Variants in POU2F1 observed in about 807,000 individuals in gnomAD.
POU2F1 encodes POU class 2 homeobox 1, also known as POU domain, class 2, transcription factor 1.
Under a neutral mutation model 84.9 loss-of-function variants are expected in POU2F1, and 16 were observed. The observed-to-expected ratio is 0.19, with a 90% CI of 0.13 to 0.29. The LOEUF is 0.29. Among genes scored for constraint, POU2F1 ranks in the 10% least tolerant of loss-of-function variants. POU2F1 has a pLI of 1.00. For synonymous variants in POU2F1, 368 were observed against 368.3 expected, an observed-to-expected ratio of 1.00 and a Z score of 0.01; for missense variants, 738 against 942.6, an observed-to-expected ratio of 0.78 and a Z score of 2.84.
intron 13 of POU2F1, among the ~76,000 whole-genome samples, chr1:167,404,748 A>G (rs1370883820): frequency 6.6e-6 from 1 of 152,152 alleles, no homozygotes; most frequent in Non-Finnish European, 1.5e-5. Flanking sequence ...GTGAGGCTCC[A>G]TCAGAGTGAA....
At chr1:167,398,860 G>C (rs973854203) in intron 11 of POU2F1, among the ~76,000 whole-genome samples, 5 of 152,160 alleles carry the variant, frequency 3.3e-5, no homozygotes, top group African/African-American at 1.2e-4. Flanking sequence ...ATCCAAATTA[G>C]ATAGCATGAA....
rs139922402 is a variant in POU2F1, at chr1:167,314,643, G to A, written c.62-17827G>A. ...ATAAAAATAAGCCGGGCATTGTGGTGTGCACCTGTGGTCCCAGCTCCCTAG... is the reference window on the plus strand; with the variant it reads ...ATAAAAATAAGCCGGGCATTGTGGTATGCACCTGTGGTCCCAGCTCCCTAG... On this transcript the variant is annotated intron_variant, in intron 1 of 15. Transcript: ENST00000367866. Among the ~76,000 whole-genome samples, 964 of 152,056 alleles carry A rather than the reference G, an allele frequency of 6.3e-3. 13 individuals carry two copies. The highest frequency in any genetic ancestry group is 0.021 in the African/African-American group (880 of 41,472).
chr1:167,364,623 G>GC (rs1659562989), intron 2 of POU2F1, among the ~76,000 whole-genome samples: 1 of 146,942 alleles, frequency 6.8e-6, no homozygotes, highest in Non-Finnish European at 1.5e-5. Flanking sequence ...TATTACCCAG[G>GC]CTGGAGTGCA....
intron 2 of POU2F1, among the ~76,000 whole-genome samples, chr1:167,365,262 T>G (rs1659613155): frequency 6.6e-6 from 1 of 152,226 alleles, no homozygotes; most frequent in Non-Finnish European, 1.5e-5. Context: ...TTAAGCTTTA[T>G]CAGTGTTTGT....
chr1:167,226,264 C>T (rs1648625418), intron 1 of POU2F1, among the ~76,000 whole-genome samples: 4 of 151,958 alleles, frequency 2.6e-5, no homozygotes, highest in Admixed American at 2.6e-4. Flanking sequence ...TTTCCTTTTC[C>T]TTTTTTTGGG....
chr1:167,329,360 G>A, intron 1 of POU2F1: 1 of 1,529,514 alleles, frequency 6.5e-7, no homozygotes, highest in South Asian at 1.2e-5. Context: ...AATAGAGTGT[G>A]TCGGGTTGAC....
chr1:167,357,733 T>C (rs1015643898), intron 2 of POU2F1, among the ~76,000 whole-genome samples: 6 of 151,940 alleles, frequency 3.9e-5, no homozygotes, highest in Admixed American at 3.9e-4. Flanking sequence ...AAGAGTTTTA[T>C]GCATCTTTTG....
intron 6 of POU2F1, 48 bp downstream of exon 6, chr1:167,374,344 G>T: frequency 6.7e-7 from 1 of 1,500,674 alleles, no homozygotes; most frequent in Middle Eastern, 2.4e-4. Context: ...GGAATAAAGT[G>T]GCAGGTTTTA....
intron 1 of POU2F1, among the ~76,000 whole-genome samples, chr1:167,265,318 A>T (rs2102448817): frequency 6.6e-6 from 1 of 152,364 alleles, no homozygotes; most frequent in South Asian, 2.1e-4. Context: ...AGATAGAATT[A>T]ACAGGACAGT....
intron 1 of POU2F1, among the ~76,000 whole-genome samples, chr1:167,277,387 T>A (rs1652804233): frequency 6.6e-6 from 1 of 151,866 alleles, no homozygotes. Flanking sequence ...TTTGACACAG[T>A]TTAGGAACTA....
chr1:167,390,182 A>G (rs781536799), intron 9 of POU2F1, among the ~76,000 whole-genome samples: 21 of 152,184 alleles, frequency 1.4e-4, no homozygotes, highest in Admixed American at 9.2e-4. Flanking sequence ...CTTCTAAGAT[A>G]CAATATGTTC....
intron 1 of POU2F1, among the ~76,000 whole-genome samples, chr1:167,234,273 C>T (rs1386816425): frequency 6.6e-6 from 1 of 152,168 alleles, no homozygotes; most frequent in Non-Finnish European, 1.5e-5. Context: ...GCATTCTTAT[C>T]TCTGTATTGC....
intron 1 of POU2F1, among the ~76,000 whole-genome samples, chr1:167,237,768 ATATATTTTTTTTTTTT>A (rs1360241133): frequency 1.2e-3 from 19 of 15,378 alleles, no homozygotes; most frequent in African/African-American, 2.8e-3. Flanking sequence ...ATATATATAT[ATATATTTTTTTTTTTT>A]TTTTTTTTTT....
intron 14 of POU2F1, among the ~76,000 whole-genome samples, chr1:167,412,714 T>C (rs1650048986): frequency 6.6e-6 from 1 of 152,216 alleles, no homozygotes; most frequent in Admixed American, 6.5e-5. Context: ...TTATAAGAAT[T>C]ATCTTGTAAA....
chr1:167,356,078 A>T (rs1213747733), intron 2 of POU2F1, among the ~76,000 whole-genome samples: 1 of 151,384 alleles, frequency 6.6e-6, no homozygotes, highest in Non-Finnish European at 1.5e-5. Context: ...CCTCCTAAGT[A>T]TGTTACTTAG....
Position 167,396,311 on chromosome 1 carries a change from A to G in POU2F1, c.1013A>G (p.Lys338Arg). The G allele has an allele frequency of 6.2e-7, 1 of 1,614,114 alleles. No individual in the cohort carries two copies. The highest frequency in any genetic ancestry group is 8.5e-7 in the Non-Finnish European group (1 of 1,179,988). ...GGTGATGTTGGGCTCGCTATGGGGA[A>G]ACTATATGGAAATGACTTCAGCCAA... ...TQGDVGLAMG[K>R]LYGNDFSQTT... Residue 338 changes from lysine (K) to arginine (R), a missense_variant, in exon 10 of 16, where the codon AAA (lysine) becomes AGA (arginine). Coordinates refer to ENST00000367866, the MANE Select transcript of POU2F1 (RefSeq NM_002697.4).
At chr1:167,377,009 T>C (rs891931778) in intron 7 of POU2F1, among the ~76,000 whole-genome samples, 1 of 152,146 alleles carries the variant, frequency 6.6e-6, no homozygotes, top group African/African-American at 2.4e-5. Flanking sequence ...CACAGTGAAT[T>C]TGGGAAAATA....
chr1:167,274,483 A>G (rs1185765140), intron 1 of POU2F1, among the ~76,000 whole-genome samples: 2 of 152,128 alleles, frequency 1.3e-5, no homozygotes, highest in East Asian at 1.9e-4. Context: ...ACAAATTTCT[A>G]TAGAACATGT....
chr1:167,384,068 C>A, intron 8 of POU2F1, 117 bp downstream of exon 8: 1 of 818,826 alleles, frequency 1.2e-6, no homozygotes, highest in Non-Finnish European at 1.8e-6. Context: ...CGAAAACTGA[C>A]CAGAAAATCA....
Sources: gnomAD v4.1 joint callset for allele counts (sites outside exome capture counted in the v4.1 genomes callset) on GRCh38, gnomAD v4.1.1 for gene constraint, MANE v1.5 for transcripts, NCBI Gene and HGNC (gene_info 2026-07-23, HGNC 2026-07-21) for gene names.